Variants in UTRN observed in about 807,000 individuals in gnomAD.
UTRN encodes the protein dystrophin-related protein 1.
A neutral mutation model predicts 463.9 loss-of-function variants in UTRN; 283 were observed. That is an observed-to-expected ratio of 0.61 (90% confidence interval 0.55 to 0.67). The LOEUF is 0.67. UTRN is among the 30% of genes least tolerant of loss of function. The pLI is 0.00. For synonymous variants in UTRN, 1,442 were observed against 1,431.5 expected, an observed-to-expected ratio of 1.01 and a Z score of -0.17; for missense variants, 3,922 against 4,084.3, an observed-to-expected ratio of 0.96 and a Z score of 1.08.
At chr6:144,775,437 C>T (rs935962621) in intron 60 of UTRN, among the ~76,000 whole-genome samples, 1 of 152,260 alleles carries the variant, frequency 6.6e-6, no homozygotes, top group East Asian at 1.9e-4. Flanking sequence ...TTTGCATAAT[C>T]CACAGAGCCT....
chr6:144,770,088 A>G (rs375033894), intron 58 of UTRN, among the ~76,000 whole-genome samples: 1 of 152,296 alleles, frequency 6.6e-6, no homozygotes, highest in Admixed American at 6.5e-5. Flanking sequence ...ATGAAGTAGA[A>G]GTATTTGTCT....
chr6:144,593,059 T>C (rs9497012), intron 51 of UTRN, among the ~76,000 whole-genome samples: 13,764 of 152,178 alleles, frequency 0.09, 1,438 homozygotes, highest in African/African-American at 0.25. Flanking sequence ...TTAGTACTAA[T>C]ATGGATCTTG....
chr6:144,479,150 G>C (rs367620711), intron 25 of UTRN, among the ~76,000 whole-genome samples: 149 of 124,736 alleles, frequency 1.2e-3, no homozygotes, highest in African/African-American at 4.2e-3. Flanking sequence ...ACAGAGTCTC[G>C]CTCTGTTCCC....
At chr6:144,545,760 C>A (rs1483489508) in intron 46 of UTRN, among the ~76,000 whole-genome samples, 1 of 152,246 alleles carries the variant, frequency 6.6e-6, no homozygotes, top group Non-Finnish European at 1.5e-5. Context: ...TGGCTCATGC[C>A]TGTAATCCCA....
chr6:144,584,071 AT>A (rs1802231120), intron 51 of UTRN, among the ~76,000 whole-genome samples: 3 of 152,256 alleles, frequency 2.0e-5, no homozygotes, highest in African/African-American at 4.8e-5. Flanking sequence ...TTTTAAAAAA[AT>A]GATCAGACTG....
intron 21 of UTRN, among the ~76,000 whole-genome samples, chr6:144,460,391 C>G (rs1424243206): frequency 6.6e-6 from 1 of 152,178 alleles, no homozygotes; most frequent in East Asian, 1.9e-4. Flanking sequence ...CTAACTTCAG[C>G]AATTGTAGAT....
At chr6:144,670,488 T>C (rs1245899482) in intron 51 of UTRN, among the ~76,000 whole-genome samples, 15 of 152,130 alleles carry the variant, frequency 9.9e-5, no homozygotes, top group Admixed American at 9.8e-4. Flanking sequence ...GTTTTTATTC[T>C]TGCTGATTTG....
At chr6:144,745,337 T>C (rs1790599986) in intron 54 of UTRN, among the ~76,000 whole-genome samples, 1 of 152,136 alleles carries the variant, frequency 6.6e-6, no homozygotes, top group Admixed American at 6.5e-5. Context: ...TTACCCCAAA[T>C]AGTCATACCT....
chr6:144,346,193 A>AT (rs1777556374), intron 2 of UTRN, among the ~76,000 whole-genome samples: 2 of 148,634 alleles, frequency 1.3e-5, no homozygotes, highest in Admixed American at 1.3e-4. Flanking sequence ...AAAAAAAAAT[A>AT]AAATAAAAAA....
intron 51 of UTRN, among the ~76,000 whole-genome samples, chr6:144,652,845 G>A (rs370786281): frequency 2.5e-4 from 38 of 152,280 alleles, no homozygotes; most frequent in African/African-American, 9.1e-4. Context: ...ATTGAGGGCT[G>A]GTTTGGTAGT....
chr6:144,610,405 TAAG>T (rs1338635141), intron 51 of UTRN, among the ~76,000 whole-genome samples: 1 of 151,968 alleles, frequency 6.6e-6, no homozygotes, highest in Non-Finnish European at 1.5e-5. Context: ...CAATAATAAG[TAAG>T]AAGATTGAAT....
intron 51 of UTRN, among the ~76,000 whole-genome samples, chr6:144,676,635 C>T (rs1416652547): frequency 6.6e-6 from 1 of 151,962 alleles, no homozygotes; most frequent in Non-Finnish European, 1.5e-5. Context: ...ATTAACCCGT[C>T]ATCTACATTA....
At chr6:144,772,121 C>T (rs1415010589) in intron 59 of UTRN, among the ~76,000 whole-genome samples, 153 bp downstream of exon 59, 1 of 144,742 alleles carries the variant, frequency 6.9e-6, no homozygotes, top group Non-Finnish European at 1.5e-5. Context: ...GCAACCTCTG[C>T]CTCCCGGATT....
In UTRN at chr6:144,824,780, G is replaced by C. The variant is rs1350545482; in HGVS notation, c.9495-2568G>C. Among the ~76,000 whole-genome samples, 69 of 146,298 alleles carry C rather than the reference G, an allele frequency of 4.7e-4. 2 individuals carry two copies. The highest frequency in any genetic ancestry group is 1.8e-3 in the African/African-American group (68 of 38,250). On this transcript the variant is annotated intron_variant, in intron 66 of 74. Coordinates refer to ENST00000367545, the MANE Select transcript of UTRN (RefSeq NM_007124.3). ...AGTATGTGAAGTTGGTGGTGGGGGGGGGTGTCCCCCCAGCGTTAAGAATGA... is the reference window on the plus strand; with the variant it reads ...AGTATGTGAAGTTGGTGGTGGGGGGCGGTGTCCCCCCAGCGTTAAGAATGA...
chr6:144,355,448 C>T (rs1778466483), intron 2 of UTRN, among the ~76,000 whole-genome samples: 1 of 152,136 alleles, frequency 6.6e-6, no homozygotes, highest in Non-Finnish European at 1.5e-5. Context: ...ATATACCTGC[C>T]TCTGCTTCCC....
At chr6:144,380,384 A>ATTTCCC (rs1304909751) in intron 2 of UTRN, among the ~76,000 whole-genome samples, 2 of 152,182 alleles carry the variant, frequency 1.3e-5, no homozygotes, top group African/African-American at 4.8e-5. Flanking sequence ...CAGAGGGAAA[A>ATTTCCC]TGGGTGGTTT....
chr6:144,451,301 CT>C lies in UTRN; in HGVS notation c.2073-68del, dbSNP rs140058887. On this transcript the variant is annotated intron_variant, in intron 17 of 74. Coordinates refer to ENST00000367545, the MANE Select transcript of UTRN (RefSeq NM_007124.3). ...ATATTCCTGATGAGCATTTGAGTTG[CT>C]CTTTCTGGAGTCAAGTAAAACAGTA... The C allele has an allele frequency of 1.6e-3, 2,536 of 1,543,446 alleles. 17 individuals carry two copies. In the African/African-American group the frequency reaches 0.029, roughly 18 times the overall value.
At chr6:144,649,490 A>G (rs1778594041) in intron 51 of UTRN, among the ~76,000 whole-genome samples, 1 of 152,236 alleles carries the variant, frequency 6.6e-6, no homozygotes, top group African/African-American at 2.4e-5. Flanking sequence ...CTATTATTGA[A>G]CAACACAAAG....
rs146082420 is a variant in UTRN at position 144,850,694 on chromosome 6, C to T, written c.10294-295C>T. ...ATGGGATATTTTCACCAGCCTCATT[C>T]GCTCACCATTGGTACCTTCAGCAGA... On this transcript the variant is annotated intron_variant, in intron 74 of 74. Coordinates refer to ENST00000367545, the MANE Select transcript of UTRN (RefSeq NM_007124.3). Among the ~76,000 whole-genome samples the T allele has an allele frequency of 6.6e-5, 10 of 152,262 alleles. No individual in the cohort carries two copies. In the East Asian group the frequency reaches 1.4e-3, roughly 21 times the overall value.
Sources: allele counts gnomAD v4.1 joint callset (sites outside exome capture counted in the v4.1 genomes callset), GRCh38; gene constraint gnomAD v4.1.1; transcripts MANE v1.5; gene names NCBI Gene and HGNC (gene_info 2026-07-23, HGNC 2026-07-21).